Variants in EZH2 observed in about 807,000 individuals in gnomAD.
EZH2 encodes the protein histone-lysine N-methyltransferase EZH2.
A neutral mutation model predicts 98.4 loss-of-function variants in EZH2; 18 were observed. That is an observed-to-expected ratio of 0.18 (90% CI 0.13 to 0.27). The LOEUF (loss-of-function observed/expected upper bound fraction) is 0.27, where lower values mean the gene tolerates loss of function less well. EZH2 is among the 10% of genes least tolerant of loss of function. The probability of loss-of-function intolerance (pLI) is 1.00; values close to 1 mark genes in which losing one functional copy is unlikely to be tolerated. For synonymous variants in EZH2, 338 were observed against 312.3 expected (o/e 1.08, Z -0.87); for missense variants, 470 against 935.1 (o/e 0.50, Z 6.49).
intron 17 of EZH2, among the ~76,000 whole-genome samples, chr7:148,809,986 C>T (rs545140130): frequency 2.0e-5 from 3 of 152,248 alleles, no homozygotes; most frequent in African/African-American, 7.2e-5. Context: ...TCCTCCCCTC[C>T]TTCCCCGCTC....
intron 3 of EZH2, among the ~76,000 whole-genome samples, chr7:148,843,597 T>TG (rs1563012642): frequency 8.9e-6 from 1 of 112,812 alleles, no homozygotes; most frequent in Non-Finnish European, 1.8e-5. Flanking sequence ...TTTTTTTTTT[T>TG]TTTTTTTTTT....
intron 15 of EZH2, among the ~76,000 whole-genome samples, chr7:148,812,702 T>C (rs1194192895): frequency 1.3e-5 from 2 of 152,130 alleles, no homozygotes; most frequent in East Asian, 1.9e-4. Context: ...GGTAAGTTGT[T>C]TGGGGGGGAA....
At chr7:148,841,660 G>C (rs1189328303) in intron 3 of EZH2, among the ~76,000 whole-genome samples, 3 of 152,158 alleles carry the variant, frequency 2.0e-5, no homozygotes, top group Non-Finnish European at 2.9e-5. Context: ...GAATGTATCT[G>C]AGTAAAGTAC....
At chr7:148,861,035 G>A (rs79217290) in intron 1 of EZH2, among the ~76,000 whole-genome samples, 1,942 of 152,004 alleles carry the variant, frequency 0.013, 42 homozygotes, top group African/African-American at 0.046. Context: ...GGTCTAGGGG[G>A]TATTGGTTCC....
intron 19 of EZH2, 79 bp downstream of exon 19, chr7:148,808,991 TA>T: frequency 5.1e-6 from 6 of 1,184,668 alleles, no homozygotes; most frequent in South Asian, 1.3e-5. Context: ...AGCAAAGAAC[TA>T]AAAACCCTCC....
intron 1 of EZH2, chr7:148,850,456 A>G (rs919147176): frequency 1.9e-5 from 18 of 967,098 alleles, no homozygotes; most frequent in Non-Finnish European, 2.0e-5. Flanking sequence ...TAACATACCT[A>G]ATAAAGTATA....
intron 12 of EZH2, 76 bp downstream of exon 12, chr7:148,816,608 A>C: frequency 9.3e-7 from 1 of 1,074,992 alleles, no homozygotes; most frequent in Admixed American, 1.8e-5. Flanking sequence ...AGAAACCAAC[A>C]ACAGCCCTTA....
intron 3 of EZH2, among the ~76,000 whole-genome samples, chr7:148,842,953 A>T (rs752823899): frequency 6.6e-6 from 1 of 151,778 alleles, no homozygotes; most frequent in Non-Finnish European, 1.5e-5. Flanking sequence ...CACACTTGTA[A>T]TCCCAGCACT....
At chr7:148,841,426 G>A (rs955204279) in intron 3 of EZH2, among the ~76,000 whole-genome samples, 1 of 152,142 alleles carries the variant, frequency 6.6e-6, no homozygotes, top group African/African-American at 2.4e-5. Context: ...GAGGCAAGGA[G>A]CTACAGAAAG....
intron 1 of EZH2, among the ~76,000 whole-genome samples, chr7:148,864,509 CCT>C (rs958786169): frequency 6.6e-6 from 1 of 151,686 alleles, no homozygotes; most frequent in African/African-American, 2.4e-5. Context: ...ATGGTGAAAC[CCT>C]GTCTCTACTA....
At chr7:148,842,161 T>A (rs1205585284) in intron 3 of EZH2, among the ~76,000 whole-genome samples, 1 of 152,194 alleles carries the variant, frequency 6.6e-6, no homozygotes, top group African/African-American at 2.4e-5. Flanking sequence ...AAATGTATAT[T>A]GGCAAGATGG....
At chr7:148,836,045 G>A (rs1467965700) in intron 3 of EZH2, among the ~76,000 whole-genome samples, 1 of 152,162 alleles carries the variant, frequency 6.6e-6, no homozygotes, top group Non-Finnish European at 1.5e-5. Context: ...TCAGTTCTGA[G>A]TCATGCGAGA....
At chr7:148,869,338 C>CT (rs143589780) in intron 1 of EZH2, among the ~76,000 whole-genome samples, 5,574 of 80,268 alleles carry the variant, frequency 0.069, 65 homozygotes, top group Non-Finnish European at 0.087. Context: ...CAGCAATAGC[C>CT]TTTTTTTTTT....
intron 8 of EZH2, among the ~76,000 whole-genome samples, chr7:148,825,967 T>C (rs191990833): frequency 1.3e-5 from 2 of 152,232 alleles, no homozygotes; most frequent in African/African-American, 4.8e-5. Flanking sequence ...ACTAAGAACA[T>C]TTTACGTTTT....
In EZH2 at chr7:148,815,561, A is replaced by C; in HGVS notation, c.1506-15T>G. ...CAGCCCACAACCTGCAAAAACACAAAGAAAATTAAACCAAATTTCTGCGGG... is the reference window on the plus strand; with the variant it reads ...CAGCCCACAACCTGCAAAAACACAACGAAAATTAAACCAAATTTCTGCGGG... On this transcript the variant is annotated splice_polypyrimidine_tract_variant and intron_variant, in intron 12 of 19. Coordinates refer to ENST00000320356, the MANE Select transcript of EZH2 (RefSeq NM_004456.5). 1 of 1,613,746 alleles carries C rather than the reference A, an allele frequency of 6.2e-7. No homozygotes were observed. Among genetic ancestry groups the C allele is most frequent in the Non-Finnish European group, 8.5e-7 (1 of 1,179,566 alleles).
intron 1 of EZH2, among the ~76,000 whole-genome samples, chr7:148,881,601 G>T (rs1004550469): frequency 3.3e-5 from 5 of 152,110 alleles, no homozygotes; most frequent in African/African-American, 1.2e-4. Flanking sequence ...ACAAAGAATA[G>T]TAATTATCAA....
At chr7:148,878,950 C>A (rs10249029) in intron 1 of EZH2, among the ~76,000 whole-genome samples, 1 of 151,420 alleles carries the variant, frequency 6.6e-6, no homozygotes, top group Non-Finnish European at 1.5e-5. Flanking sequence ...GCCAGGCGTG[C>A]GCAGTAGCTC....
chr7:148,868,729 A>G (rs1481338339), intron 1 of EZH2, among the ~76,000 whole-genome samples: 2 of 152,196 alleles, frequency 1.3e-5, no homozygotes, highest in African/African-American at 4.8e-5. Context: ...TCTAGATTTA[A>G]AAGTTGGTAT....
chr7:148,864,701 G>C (rs1391930417), intron 1 of EZH2, among the ~76,000 whole-genome samples: 2 of 144,866 alleles, frequency 1.4e-5, no homozygotes, highest in Non-Finnish European at 3.0e-5. Flanking sequence ...AAAAAAAAAG[G>C]AAAAAAAGAA....
Sources: gnomAD v4.1 joint callset for allele counts (sites outside exome capture counted in the v4.1 genomes callset) on GRCh38, gnomAD v4.1.1 for gene constraint, MANE v1.5 for transcripts, NCBI Gene and HGNC (gene_info 2026-07-23, HGNC 2026-07-21) for gene names.